ITPKB: variants seen among roughly 807,000 people sequenced by gnomAD.
ITPKB encodes the protein IP3 3-kinase B.
ITPKB carries 13 observed loss-of-function variants against 69.4 expected under a neutral mutation model. The observed-to-expected ratio is 0.19, with a 90% CI of 0.12 to 0.30. ITPKB has a LOEUF of 0.30. Among genes scored for constraint, ITPKB ranks in the 10% least tolerant of loss-of-function variants. The pLI is 1.00. For synonymous variants in ITPKB, 584 were observed against 513.7 expected (o/e 1.14, Z -1.85); for missense variants, 1,240 against 1,250.5 (o/e 0.99, Z 0.13).
At chr1:226,670,171 G>A (rs1447326916) in intron 2 of ITPKB, among the ~76,000 whole-genome samples, 10 of 60,764 alleles carry the variant, frequency 1.6e-4, no homozygotes, top group Non-Finnish European at 2.4e-4. Context: ...ACCAAGCTCC[G>A]CCGCAAAAAA....
At chr1:226,647,135 C>G (rs1669078609) in intron 4 of ITPKB, 32 bp downstream of exon 4, 1 of 1,598,844 alleles carries the variant, frequency 6.3e-7, no homozygotes, top group Middle Eastern at 1.7e-4. Context: ...TGCACTGAGG[C>G]AGGCATGTGG....
chr1:226,705,254 G>A (rs1571866583), intron 2 of ITPKB, among the ~76,000 whole-genome samples: 1 of 152,162 alleles, frequency 6.6e-6, no homozygotes, highest in South Asian at 2.1e-4. Flanking sequence ...TGTCGGTCAG[G>A]CACAGTGGCT....
chr1:226,646,466 T>G (rs1053649149), intron 4 of ITPKB, among the ~76,000 whole-genome samples: 5 of 151,942 alleles, frequency 3.3e-5, no homozygotes, highest in African/African-American at 1.2e-4. Context: ...AGCCCCCTCT[T>G]CCTCTCTCCT....
chr1:226,719,401 G>T (rs764980945), intron 2 of ITPKB, among the ~76,000 whole-genome samples: 7 of 152,164 alleles, frequency 4.6e-5, no homozygotes, highest in Admixed American at 4.6e-4. Context: ...GTCACTTGCC[G>T]CCCCACATGG....
chr1:226,653,322 C>T (rs1032886388), intron 2 of ITPKB, among the ~76,000 whole-genome samples: 6 of 152,156 alleles, frequency 3.9e-5, no homozygotes, highest in African/African-American at 1.4e-4. Context: ...CTTCCAGTCT[C>T]GAGACAGCAG....
At chr1:226,663,217 T>C (rs553517832) in intron 2 of ITPKB, among the ~76,000 whole-genome samples, 2 of 152,314 alleles carry the variant, frequency 1.3e-5, no homozygotes, top group Middle Eastern at 3.4e-3. Flanking sequence ...GCCCTGCTAG[T>C]GGCAGTGGGT....
intron 2 of ITPKB, among the ~76,000 whole-genome samples, chr1:226,693,839 A>C (rs545361458): frequency 6.6e-6 from 1 of 152,222 alleles, no homozygotes; most frequent in Non-Finnish European, 1.5e-5. Flanking sequence ...AAAGCTCCAC[A>C]TCAACACTTT....
In ITPKB at chr1:226,641,191, C is replaced by G. The variant is rs947210139; in HGVS notation, c.2451+730G>C. Among the ~76,000 whole-genome samples the G allele has an allele frequency of 6.6e-6, 1 of 152,194 alleles. No homozygotes were observed. Among genetic ancestry groups the G allele is most frequent in the African/African-American group, 2.4e-5 (1 of 41,456 alleles). On this transcript the variant is annotated intron_variant, in intron 5 of 7. Transcript: ENST00000429204. The surrounding 1 kb of genome is among the most constrained non-coding windows in gnomAD (Gnocchi z 4.6). ...TCACCAATCCAGACAGTGCCAGTTCCCCAATTTATTCTGGGGAAAGTAAAT... is the reference window on the plus strand; with the variant it reads ...TCACCAATCCAGACAGTGCCAGTTCGCCAATTTATTCTGGGGAAAGTAAAT...
At chr1:226,722,408 C>T (rs181957846) in intron 2 of ITPKB, among the ~76,000 whole-genome samples, 27 of 152,310 alleles carry the variant, frequency 1.8e-4, no homozygotes, top group Admixed American at 3.3e-4. Context: ...TGCAGGGCTC[C>T]GTTCAGCTTC....
chr1:226,723,330 A>G (rs1436717860), intron 2 of ITPKB, among the ~76,000 whole-genome samples: 1 of 152,124 alleles, frequency 6.6e-6, no homozygotes, highest in African/African-American at 2.4e-5. Context: ...GAGACCCCAG[A>G]GCCACCTGGA....
intron 2 of ITPKB, among the ~76,000 whole-genome samples, chr1:226,658,356 T>C (rs1156504272): frequency 6.6e-6 from 1 of 152,080 alleles, no homozygotes; most frequent in Non-Finnish European, 1.5e-5. Flanking sequence ...CCTGGCTCAA[T>C]AGCTCCCTCC....
intron 2 of ITPKB, among the ~76,000 whole-genome samples, chr1:226,657,520 T>A (rs1669318685): frequency 1.3e-5 from 2 of 152,100 alleles, no homozygotes. Flanking sequence ...TGAGGGGAAA[T>A]CTCTAAAATA....
intron 2 of ITPKB, among the ~76,000 whole-genome samples, chr1:226,672,245 C>T (rs1669631640): frequency 6.6e-6 from 1 of 152,176 alleles, no homozygotes; most frequent in Non-Finnish European, 1.5e-5. Context: ...TCACGTCTCA[C>T]TCCCCGCCTG....
At position 226,737,287 on chromosome 1, in the gene ITPKB, A is replaced by G. The variant is rs1366143053; in HGVS notation, c.172T>C (p.Phe58Leu). The change falls in exon 2 of 8, where the codon TTC (phenylalanine) becomes CTC (leucine). Residue 58 changes from phenylalanine to leucine, a missense_variant. This residue lies in a region of ITPKB where 992 missense variants were observed against 853.8 expected (regional missense o/e 1.16). Coordinates refer to ENST00000429204, the MANE Select transcript of ITPKB (RefSeq NM_002221.4). ...FSPGRGASFL[F>L]PPAESLSPEE... ...GGGGACAGCGACTCGGCTGGGGGGA[A>G]GAGGAAAGAGGCGCCTCTCCCGGGG... The G allele has an allele frequency of 6.4e-7, 1 of 1,559,696 alleles. No homozygotes were observed. The highest frequency in any genetic ancestry group is 8.6e-7 in the Non-Finnish European group (1 of 1,160,336).
At chr1:226,638,463 G>C (rs538579987) in intron 6 of ITPKB, among the ~76,000 whole-genome samples, 1 of 152,308 alleles carries the variant, frequency 6.6e-6, no homozygotes, top group South Asian at 2.1e-4. Context: ...CAGCTGCTGT[G>C]GACTGTTCAG....
intron 2 of ITPKB, among the ~76,000 whole-genome samples, chr1:226,729,362 G>A (rs569399595): frequency 9.3e-5 from 14 of 151,160 alleles, no homozygotes; most frequent in Non-Finnish European, 1.9e-4. Flanking sequence ...TGCGCCTGTA[G>A]TCCCAGCTAT....
intron 2 of ITPKB, among the ~76,000 whole-genome samples, chr1:226,694,397 T>C (rs1046312135): frequency 5.9e-5 from 9 of 152,236 alleles, no homozygotes; most frequent in African/African-American, 1.9e-4. Flanking sequence ...TTTCTGAGAC[T>C]GATCCTAGTC....
chr1:226,700,996 G>A (rs1656623879), intron 2 of ITPKB, among the ~76,000 whole-genome samples: 1 of 152,206 alleles, frequency 6.6e-6, no homozygotes, highest in South Asian at 2.1e-4. Flanking sequence ...TGCCTTCAAT[G>A]AGAAACCAGC....
In ITPKB at chr1:226,696,429, G is replaced by A. The variant is rs531297284; in HGVS notation, c.1932+39098C>T. Reference sequence around the variant, plus strand: ...TAGTTATAATGTACATCCCTGGCACGTAGATAGCAACTTATTTTACTATCT... The same window carrying A: ...TAGTTATAATGTACATCCCTGGCACATAGATAGCAACTTATTTTACTATCT... On this transcript the variant is annotated intron_variant, in intron 2 of 7. Transcript: ENST00000429204. 1.0e-3 allele frequency among the ~76,000 whole-genome samples: 152 copies of A among 152,186 alleles called. 1 individual carries two copies. The highest frequency in any genetic ancestry group is 1.6e-3 in the Non-Finnish European group (108 of 68,022).
Sources: gnomAD v4.1 joint callset for allele counts (sites outside exome capture counted in the v4.1 genomes callset) on GRCh38, gnomAD v4.1.1 for gene constraint, gnomAD v4.1.1 regional missense constraint, Gnocchi (gnomAD v3.1) non-coding constraint, MANE v1.5 for transcripts, NCBI Gene and HGNC (gene_info 2026-07-23, HGNC 2026-07-21) for gene names.